The following GLIPR2 variants were observed in gnomAD, a reference collection of about 807,000 sequenced individuals.
GLIPR2 encodes the protein GLI pathogenesis related 2, also known as Golgi-associated plant pathogenesis-related protein 1.
GLIPR2 carries 21 observed loss-of-function variants against 20.4 expected under a neutral mutation model. That is an observed-to-expected ratio of 1.03 (90% CI 0.73 to 1.48). GLIPR2 has a LOEUF of 1.48. Among genes scored for constraint, GLIPR2 ranks in the 40% most tolerant of loss-of-function variants. GLIPR2 has a pLI of 0.00. For missense variants in GLIPR2, 205 were observed against 200.1 expected, an observed-to-expected ratio of 1.02 and a Z score of -0.15; for synonymous variants, 91 against 80.5, an observed-to-expected ratio of 1.13 and a Z score of -0.70.
intron 2 of GLIPR2, 146 bp downstream of exon 2, chr9:36,148,040 G>A: frequency 1.5e-6 from 1 of 673,888 alleles, no homozygotes; most frequent in Non-Finnish European, 2.7e-6. Flanking sequence ...CTGAGGTCAG[G>A]AGTTCAAGAC....
chr9:36,157,579 C>T (rs1825888107), intron 4 of GLIPR2, among the ~76,000 whole-genome samples: 1 of 151,100 alleles, frequency 6.6e-6, no homozygotes, highest in Non-Finnish European at 1.5e-5. Flanking sequence ...ACTCCTGACC[C>T]CAGGTGATCC....
rs1268219285 is a variant in GLIPR2 at position 36,154,109 on chromosome 9, C to CA, written c.304+3160_304+3161insA. ...TATATATATATATCTTTTCCCCCCC[C>CA]CTTTGAGACCGAGTCTCACTCCGTT... On this transcript the variant is annotated intron_variant, in intron 4 of 4. Coordinates refer to ENST00000377960, the MANE Select transcript of GLIPR2 (RefSeq NM_022343.4). Among the ~76,000 whole-genome samples the CA allele has an allele frequency of 4.8e-5, 7 of 146,710 alleles. No individual in the cohort carries two copies. The South Asian group carries it at 6.5e-4, about 14-fold the overall frequency.
At chr9:36,154,684 T>G (rs1017678349) in intron 4 of GLIPR2, among the ~76,000 whole-genome samples, 3 of 152,176 alleles carry the variant, frequency 2.0e-5, no homozygotes, top group African/African-American at 7.2e-5. Context: ...GCTAAGGAAG[T>G]TGTGTCATTT....
intron 4 of GLIPR2, among the ~76,000 whole-genome samples, chr9:36,157,073 A>C (rs1284655403): frequency 6.6e-6 from 1 of 150,508 alleles, no homozygotes; most frequent in South Asian, 2.1e-4. Context: ...CTGGAGTGCA[A>C]TGGCGTGATC....
chr9:36,142,294 A>G (rs889522305), intron 1 of GLIPR2, among the ~76,000 whole-genome samples: 1 of 152,010 alleles, frequency 6.6e-6, no homozygotes, highest in African/African-American at 2.4e-5. Flanking sequence ...TCTTTCCATC[A>G]TTCCCTTTGT....
chr9:36,138,966 C>T (rs1302089170), intron 1 of GLIPR2, among the ~76,000 whole-genome samples: 3 of 151,982 alleles, frequency 2.0e-5, no homozygotes, highest in African/African-American at 7.3e-5. Flanking sequence ...AGAGCGTTGC[C>T]AGGGTGTAGG....
intron 4 of GLIPR2, among the ~76,000 whole-genome samples, chr9:36,156,115 C>T (rs942119727): frequency 6.6e-6 from 1 of 152,114 alleles, no homozygotes; most frequent in Non-Finnish European, 1.5e-5. Flanking sequence ...GAGGCTGAGG[C>T]ACAACAATCG....
chr9:36,161,183 T>C (rs1826037872), intron 4 of GLIPR2, among the ~76,000 whole-genome samples: 2 of 152,090 alleles, frequency 1.3e-5, no homozygotes, highest in South Asian at 2.1e-4. Context: ...GGACCTGAGA[T>C]GCATTTTAGA....
chr9:36,161,501 AG>A (rs1232216329), intron 4 of GLIPR2, among the ~76,000 whole-genome samples: 4 of 68,832 alleles, frequency 5.8e-5, no homozygotes, highest in African/African-American at 1.8e-4. Context: ...GAGAGCTTAG[AG>A]GAAAAAAAAA....
intron 4 of GLIPR2, among the ~76,000 whole-genome samples, chr9:36,154,333 A>G (rs1825736844): frequency 6.6e-6 from 1 of 152,008 alleles, no homozygotes; most frequent in Non-Finnish European, 1.5e-5. Flanking sequence ...AGAGATACCA[A>G]TTTCCTGTGA....
chr9:36,151,255 A>T (rs1169827704), intron 4 of GLIPR2, among the ~76,000 whole-genome samples: 1 of 152,130 alleles, frequency 6.6e-6, no homozygotes, highest in African/African-American at 2.4e-5. Flanking sequence ...CCAAAGCTGC[A>T]TGGAGCTTCA....
chr9:36,148,950 C>T (rs573537933), intron 3 of GLIPR2, among the ~76,000 whole-genome samples: 2 of 152,228 alleles, frequency 1.3e-5, no homozygotes, highest in East Asian at 1.9e-4. Context: ...GGAGACAGAC[C>T]GCTTTTGTAC....
intron 4 of GLIPR2, 127 bp from the exon 5 acceptor site, chr9:36,162,235 G>A (rs773174544): frequency 6.3e-7 from 1 of 1,589,206 alleles, no homozygotes; most frequent in Non-Finnish European, 8.5e-7. Flanking sequence ...CCTGCAGGGG[G>A]TCTGTGAAGA....
Position 36,150,315 on chromosome 9 carries a change from G to A in GLIPR2, c.227-557G>A, listed in dbSNP as rs527448654. Among the ~76,000 whole-genome samples the A allele has an allele frequency of 4.6e-5, 7 of 152,336 alleles. No homozygotes were observed. The South Asian group carries it at 1.4e-3, about 32-fold the overall frequency. On this transcript the variant is annotated intron_variant, in intron 3 of 4. Transcript: ENST00000377960. ...CCCGCTCCTGGCTCTGGCCCGGAGA[G>A]CAGCAGCTCCCAGGGAAACGCCTGC... is the stretch of plus-strand genomic sequence containing the variant.
intron 4 of GLIPR2, among the ~76,000 whole-genome samples, chr9:36,161,963 T>C (rs143165692): frequency 6.6e-6 from 1 of 152,268 alleles, no homozygotes; most frequent in East Asian, 1.9e-4. Flanking sequence ...GGCAGGTGGA[T>C]CGCCTGAGGT....
intron 4 of GLIPR2, among the ~76,000 whole-genome samples, chr9:36,155,078 G>C (rs1016496137): frequency 2.0e-5 from 3 of 152,190 alleles, no homozygotes; most frequent in African/African-American, 7.2e-5. Context: ...CCTCTATTCT[G>C]GGTGGAAACC....
chr9:36,150,634 T>C (rs1286916517), intron 3 of GLIPR2, among the ~76,000 whole-genome samples: 2 of 152,204 alleles, frequency 1.3e-5, no homozygotes, highest in Admixed American at 6.5e-5. Flanking sequence ...GCAGATTCCC[T>C]GACCCCAGGC....
chr9:36,142,881 A>AG, intron 1 of GLIPR2, among the ~76,000 whole-genome samples: 1 of 151,978 alleles, frequency 6.6e-6, no homozygotes, highest in East Asian at 2.0e-4. Context: ...GGGCTGCCCA[A>AG]GGTGTGGTTG....
At position 36,136,802 on chromosome 9, in the gene GLIPR2, G is replaced by A. The variant is rs1824837291; in HGVS notation, c.13+11G>A. ...CCATGGGCAAGTCAGGTGAGCCCGC[G>A]GGCTCGCCCGCTGCGGAATGGTTCG... On this transcript the variant is annotated intron_variant, in intron 1 of 4. Coordinates refer to ENST00000377960, the MANE Select transcript of GLIPR2 (RefSeq NM_022343.4). The surrounding 1 kb of genome is among the most constrained non-coding windows in gnomAD (Gnocchi z 4.3). 2 of 1,297,418 alleles carry A rather than the reference G, an allele frequency of 1.5e-6. No homozygotes were observed. The highest frequency in any genetic ancestry group is 2.4e-5 in the South Asian group (1 of 42,448). The allele number at this position is 1,297,418 out of a possible 1,614,324, so 80.4% of individuals were successfully genotyped here.
Sources: gnomAD v4.1 joint callset for allele counts (sites outside exome capture counted in the v4.1 genomes callset) on GRCh38, gnomAD v4.1.1 for gene constraint, Gnocchi (gnomAD v3.1) non-coding constraint, MANE v1.5 for transcripts, NCBI Gene and HGNC (gene_info 2026-07-23, HGNC 2026-07-21) for gene names.